ARHGAP21: variants seen among roughly 807,000 people sequenced by gnomAD.
The protein encoded by ARHGAP21 is rho GTPase-activating protein 21.
In ARHGAP21, 38 loss-of-function variants were observed where a neutral mutation model predicts 164.6. That is an observed-to-expected ratio of 0.23 (90% CI 0.18 to 0.30). ARHGAP21 has a LOEUF of 0.30. ARHGAP21 is among the 10% of genes least tolerant of loss of function. The pLI is 1.00. For missense variants in ARHGAP21, 1,822 were observed against 2,370.7 expected, an observed-to-expected ratio of 0.77 and a Z score of 4.81; for synonymous variants, 766 against 857.9, an observed-to-expected ratio of 0.89 and a Z score of 1.87.
intron 9 of ARHGAP21, among the ~76,000 whole-genome samples, chr10:24,609,982 A>C (rs1344462483): frequency 6.6e-6 from 1 of 152,256 alleles, no homozygotes; most frequent in Non-Finnish European, 1.5e-5. Flanking sequence ...TTAAGACATT[A>C]AATAATGCAT....
At chr10:24,697,848 G>A (rs895322206) in intron 2 of ARHGAP21, among the ~76,000 whole-genome samples, 2 of 151,244 alleles carry the variant, frequency 1.3e-5, no homozygotes, top group African/African-American at 4.9e-5. Context: ...CGACAAGAGC[G>A]AAACTCCATC....
rs758852451 is a variant in ARHGAP21, at chr10:24,604,336, G to A, written c.2697C>T (p.His899=). Residue 899 remains histidine (H), a synonymous_variant, in exon 12 of 26, where the codon CAC becomes CAT. Transcript: ENST00000396432. The stretch of plus-strand genomic sequence containing the variant: ...CCTTGATTCCCTTCAGACTAGATAC[G>A]TGCTTAAAGGACCTGTTGGGGAAAA... ...YREDAKLSFK[H]VSSLKGIKIA... 21 of 1,590,084 alleles carry A rather than the reference G, an allele frequency of 1.3e-5. No individual in the cohort carries two copies. Among genetic ancestry groups the A allele is most frequent in the Admixed American group, 8.7e-5 (5 of 57,474 alleles).
intron 3 of ARHGAP21, 111 bp from the exon 4 acceptor site, chr10:24,667,120 C>T (rs1224335350): frequency 3.3e-5 from 18 of 539,998 alleles, no homozygotes; most frequent in Admixed American, 4.2e-5. Context: ...GTGCCAATTA[C>T]AATCTCACTA....
At chr10:24,598,806 G>T (rs1011699337) in intron 14 of ARHGAP21, among the ~76,000 whole-genome samples, 10 of 152,198 alleles carry the variant, frequency 6.6e-5, no homozygotes, top group African/African-American at 2.4e-5. Context: ...TCAGCTGAGA[G>T]ATCATATGAT....
chr10:24,590,589 T>G, intron 24 of ARHGAP21: 1 of 1,436,768 alleles, frequency 7.0e-7, no homozygotes, highest in Non-Finnish European at 9.1e-7. Context: ...AACAACATGC[T>G]AGATTAGTGC....
chr10:24,648,266 A>G lies in ARHGAP21; in HGVS notation c.269-13163T>C, dbSNP rs577511453. Among the ~76,000 whole-genome samples, 9 of 152,382 alleles carry G rather than the reference A, an allele frequency of 5.9e-5. No homozygotes were observed. In the South Asian group the frequency reaches 1.9e-3, roughly 32 times the overall value. ...GAAATTCCCTACTTGTTTACCACAT[A>G]GCATGAACAATCACTCAGATTGTCT... On this transcript the variant is annotated intron_variant, in intron 4 of 25. Coordinates refer to ENST00000396432, the MANE Select transcript of ARHGAP21 (RefSeq NM_020824.4).
chr10:24,621,421 A>T (rs1408614952), intron 8 of ARHGAP21, 52 bp from the exon 9 acceptor site: 10 of 1,456,696 alleles, frequency 6.9e-6, no homozygotes, highest in Non-Finnish European at 9.1e-6. Flanking sequence ...AAAGAATAAT[A>T]ATTTCCATTT....
At chr10:24,627,741 A>G (rs1384149231) in intron 7 of ARHGAP21, among the ~76,000 whole-genome samples, 1 of 152,242 alleles carries the variant, frequency 6.6e-6, no homozygotes, top group Non-Finnish European at 1.5e-5. Flanking sequence ...GTAACAGAAC[A>G]AAACTAATTT....
At chr10:24,648,196 C>T (rs373281518) in intron 4 of ARHGAP21, among the ~76,000 whole-genome samples, 4 of 152,106 alleles carry the variant, frequency 2.6e-5, no homozygotes, top group South Asian at 2.1e-4. Context: ...TCATTAGGTT[C>T]GTGCTGCTGC....
At chr10:24,650,123 T>C (rs1489825724) in intron 4 of ARHGAP21, among the ~76,000 whole-genome samples, 1 of 152,212 alleles carries the variant, frequency 6.6e-6, no homozygotes, top group Non-Finnish European at 1.5e-5. Context: ...TACTGAATAA[T>C]TGTGTACCCA....
intron 9 of ARHGAP21, among the ~76,000 whole-genome samples, chr10:24,609,526 C>G (rs2077165638): frequency 6.6e-6 from 1 of 152,130 alleles, no homozygotes; most frequent in African/African-American, 2.4e-5. Context: ...TAATAAATTC[C>G]TTTTACTGGT....
intron 2 of ARHGAP21, among the ~76,000 whole-genome samples, chr10:24,675,109 G>A (rs866545514): frequency 5.6e-4 from 86 of 152,294 alleles, no homozygotes; most frequent in African/African-American, 2.0e-3. Context: ...TCAACAGAAA[G>A]ACTTGTACAT....
At chr10:24,672,440 T>G (rs1356732226) in intron 2 of ARHGAP21, among the ~76,000 whole-genome samples, 1 of 152,218 alleles carries the variant, frequency 6.6e-6, no homozygotes, top group Non-Finnish European at 1.5e-5. Context: ...GTCTATGGAC[T>G]TCTCTAGCTA....
chr10:24,675,305 AAAG>A (rs1841105696), intron 2 of ARHGAP21, among the ~76,000 whole-genome samples: 3 of 152,246 alleles, frequency 2.0e-5, no homozygotes, highest in South Asian at 2.1e-4. Context: ...AACCCAGATC[AAAG>A]AAGAAGAGGA....
intron 4 of ARHGAP21, chr10:24,648,783 A>C (rs1161108474): frequency 1.0e-6 from 1 of 966,754 alleles, no homozygotes; most frequent in Non-Finnish European, 1.2e-6. Context: ...CTGTCTCAAA[A>C]AAAAAAAAAA....
chr10:24,589,638 TTC>T, intron 24 of ARHGAP21: 1 of 224,780 alleles, frequency 4.4e-6, no homozygotes, highest in Non-Finnish European at 8.5e-6. Context: ...TGTAATAATT[TTC>T]TTTTTTAATG....
Position 24,611,167 on chromosome 10 carries a change from T to C in ARHGAP21, c.2423-3264A>G, listed in dbSNP as rs576236974. ...GGCATGATCTAGGCCTGACCAACCA[T>C]AGGGCCTATCCCTCTCAATCCACAG... On this transcript the variant is annotated intron_variant, in intron 9 of 25. Transcript: ENST00000396432. 2.6e-5 allele frequency among the ~76,000 whole-genome samples: 4 copies of C among 152,246 alleles called. No individual in the cohort carries two copies. The East Asian group carries it at 7.7e-4, about 29-fold the overall frequency.
In ARHGAP21 at chr10:24,595,941, T is replaced by C. The variant is rs2076562616; in HGVS notation, c.3580A>G (p.Ser1194Gly). The change falls in exon 18 of 26, where the codon AGT becomes GGT. Residue 1194 changes from serine to glycine, a missense_variant. Physicochemically the swap from Ser to Gly is moderately conservative, Grantham distance 56. This residue lies in a region of ARHGAP21 where 117 missense variants were observed against 238.1 expected (regional missense o/e 0.49). Coordinates refer to ENST00000396432, the MANE Select transcript of ARHGAP21 (RefSeq NM_020824.4). ...CCCTTGTTGAGTTCTTCTTGCATAC[T>C]TGAGATGGCTGCATTATTTCCAGGA... is the stretch of plus-strand genomic sequence containing the variant. ...RVPGNNAAIS[S>G]MQEELNKGMA... is the part of the protein sequence containing the mutation. The C allele has an allele frequency of 2.0e-5, 33 of 1,613,650 alleles. No individual in the cohort carries two copies. The highest frequency in any genetic ancestry group is 1.7e-4 in the Middle Eastern group (1 of 6,050).
chr10:24,606,314 C>T (rs1251583945), intron 11 of ARHGAP21, among the ~76,000 whole-genome samples: 3 of 151,948 alleles, frequency 2.0e-5, no homozygotes, highest in Non-Finnish European at 4.4e-5. Flanking sequence ...AAAATGTTAG[C>T]TTTCTTTATA....
Sources: allele counts gnomAD v4.1 joint callset (sites outside exome capture counted in the v4.1 genomes callset), GRCh38; gene constraint gnomAD v4.1.1; regional missense constraint gnomAD v4.1.1; transcripts MANE v1.5; gene names NCBI Gene and HGNC (gene_info 2026-07-23, HGNC 2026-07-21).